SUN1: variants seen among roughly 807,000 people sequenced by gnomAD.
The protein encoded by SUN1 is Sad1 and UNC84 domain containing 1, also known as SUN domain-containing protein 1.
In SUN1, 61 loss-of-function variants were observed where a neutral mutation model predicts 103.2. The ratio of observed to expected loss-of-function variants is 0.59; its 90% CI spans 0.48 to 0.73. SUN1 has a LOEUF of 0.73. Among genes scored for constraint, SUN1 ranks in the 30% least tolerant of loss-of-function variants. The pLI is 0.00. For synonymous variants in SUN1, 490 were observed against 425.7 expected (o/e 1.15, Z -1.86); for missense variants, 1,052 against 1,034.6 (o/e 1.02, Z -0.23).
At chr7:847,238 G>T (rs1032381555) in intron 5 of SUN1, among the ~76,000 whole-genome samples, 1 of 151,758 alleles carries the variant, frequency 6.6e-6, no homozygotes, top group African/African-American at 2.4e-5. Flanking sequence ...GGGTTACCCC[G>T]CAGTCCAGTC....
At chr7:861,597 A>G in intron 15 of SUN1, 133 bp downstream of exon 15, 1 of 867,998 alleles carries the variant, frequency 1.2e-6, no homozygotes, top group South Asian at 1.6e-5. Flanking sequence ...GAAAGGGAGC[A>G]TGATTCTGGG....
At chr7:843,623 A>G (rs1812309491) in intron 5 of SUN1, 103 bp downstream of exon 5, 1 of 1,603,078 alleles carries the variant, frequency 6.2e-7, no homozygotes, top group Admixed American at 1.7e-5. Flanking sequence ...TGGAGACTTA[A>G]AATTATCCCT....
intron 1 of SUN1, among the ~76,000 whole-genome samples, chr7:818,862 C>T (rs1289607681): frequency 7.8e-6 from 1 of 128,900 alleles, no homozygotes; most frequent in Non-Finnish European, 1.6e-5. Flanking sequence ...CCCCGCTCCC[C>T]TCCCCCCCTT....
intron 15 of SUN1, among the ~76,000 whole-genome samples, chr7:862,561 A>C (rs1833024655): frequency 6.6e-6 from 1 of 152,188 alleles, no homozygotes; most frequent in African/African-American, 2.4e-5. Flanking sequence ...GCTTTTAGTT[A>C]TATATTTTGA....
intron 1 of SUN1, chr7:816,686 C>G (rs1197016096): frequency 1.1e-5 from 2 of 186,794 alleles, no homozygotes; most frequent in South Asian, 1.5e-4. Context: ...GAGCTCCCGG[C>G]GGGCCGGGCC....
chr7:855,990 C>T (rs185572677), intron 11 of SUN1, among the ~76,000 whole-genome samples: 16 of 152,324 alleles, frequency 1.1e-4, no homozygotes, highest in African/African-American at 3.6e-4. Flanking sequence ...GGTGCTGCTG[C>T]GGATGGCACA....
intron 5 of SUN1, 152 bp downstream of exon 5, chr7:843,672 T>A: frequency 6.7e-7 from 1 of 1,491,674 alleles, no homozygotes; most frequent in Non-Finnish European, 8.9e-7. Flanking sequence ...AGCTTTGTCC[T>A]TCCTGTCCTC....
chr7:843,805 C>G lies in SUN1; in HGVS notation c.658+285C>G. On this transcript the variant is annotated intron_variant, in intron 5 of 18. Coordinates refer to ENST00000401592, the MANE Select transcript of SUN1 (RefSeq NM_001130965.3). ...TAAGCGAAACTAATAAAACTACAGT[C>G]ACTTTCAGATGCACACCTTTATTTT... The G allele has an allele frequency of 2.1e-6, 3 of 1,418,078 alleles. No individual in the cohort carries two copies. The South Asian group carries it at 4.8e-5, about 23-fold the overall frequency. The allele number at this position is 1,418,078 out of a possible 1,614,324, so 87.8% of individuals were successfully genotyped here.
At chr7:829,087 G>T (rs1456849491), upstream of SUN1, among the ~76,000 whole-genome samples, 1 of 152,260 alleles carries the variant, frequency 6.6e-6, no homozygotes, top group Admixed American at 6.5e-5. Context: ...CACGCCTGCA[G>T]ACCGCACATC....
chr7:854,291 G>A (rs1178878461), intron 10 of SUN1, among the ~76,000 whole-genome samples: 6 of 152,252 alleles, frequency 3.9e-5, no homozygotes, highest in African/African-American at 1.4e-4. Flanking sequence ...GCTTCCCTCC[G>A]AGGCGGTGCG....
intron 16 of SUN1, 37 bp downstream of exon 16, chr7:866,104 A>G (rs757228296): frequency 4.4e-6 from 7 of 1,573,086 alleles, no homozygotes; most frequent in South Asian, 2.2e-5. Flanking sequence ...GCTCCTCTTC[A>G]GCATGGACTC....
intron 16 of SUN1, among the ~76,000 whole-genome samples, chr7:866,744 T>TCGCCCC (rs1837236511): frequency 3.2e-5 from 1 of 31,362 alleles, no homozygotes; most frequent in Admixed American, 4.0e-4. Flanking sequence ...CACCGGGCCT[T>TCGCCCC]CACCCCCACC....
chr7:826,756 C>T (rs542627253), intron 1 of SUN1, among the ~76,000 whole-genome samples: 1 of 152,334 alleles, frequency 6.6e-6, no homozygotes, highest in African/African-American at 2.4e-5. Context: ...TAGTCCACAT[C>T]GTCAGTGACC....
chr7:822,960 C>CCA (rs1275871278), intron 1 of SUN1, among the ~76,000 whole-genome samples: 6 of 152,164 alleles, frequency 3.9e-5, no homozygotes, highest in East Asian at 1.9e-4. Flanking sequence ...CCGTGAATTC[C>CCA]CACACACACA....
intron 5 of SUN1, among the ~76,000 whole-genome samples, chr7:844,077 G>A (rs998299942): frequency 3.3e-5 from 5 of 152,236 alleles, no homozygotes; most frequent in African/African-American, 9.6e-5. Flanking sequence ...GTGGACATGG[G>A]CTTCCCTCAG....
intron 1 of SUN1, among the ~76,000 whole-genome samples, chr7:823,633 TG>T (rs535525594): frequency 6.6e-6 from 1 of 151,956 alleles, no homozygotes; most frequent in African/African-American, 2.4e-5. Flanking sequence ...CAGGCAGCCA[TG>T]GGGGGAGTCT....
rs141644029 is a variant in SUN1, at chr7:855,021, C to T, written c.1350+15C>T. The T allele has an allele frequency of 5.4e-5, 86 of 1,586,614 alleles. No homozygotes were observed. In the East Asian group the frequency reaches 1.3e-3, roughly 25 times the overall value. ...AAAAATCTGAGGTATTTATTTTTGA[C>T]CTTACGCTTTTTTAAAATAAAAAGA... On this transcript the variant is annotated intron_variant, in intron 11 of 18. Coordinates refer to ENST00000401592, the MANE Select transcript of SUN1 (RefSeq NM_001130965.3).
Position 853,136 on chromosome 7 carries a change from G to A in SUN1, c.1053+184G>A, listed in dbSNP as rs1051332394. 20 of 806,122 alleles carry A rather than the reference G, an allele frequency of 2.5e-5. No individual in the cohort carries two copies. The African/African-American group carries it at 3.1e-4, about 13-fold the overall frequency. The allele number at this position is 806,122 out of a possible 1,614,324, so 49.9% of individuals were successfully genotyped here. On this transcript the variant is annotated intron_variant, in intron 9 of 18. Coordinates refer to ENST00000401592, the MANE Select transcript of SUN1 (RefSeq NM_001130965.3). ...AGGATAGTTCAAATGCACATTTAAAGTACTCTCATGATTCAGTTAGTTTTA... is the reference window on the plus strand; with the variant it reads ...AGGATAGTTCAAATGCACATTTAAAATACTCTCATGATTCAGTTAGTTTTA...
At chr7:827,333 T>C (rs1793153100) in intron 1 of SUN1, among the ~76,000 whole-genome samples, 1 of 151,068 alleles carries the variant, frequency 6.6e-6, no homozygotes, top group Non-Finnish European at 1.5e-5. Flanking sequence ...GCCAGACCCA[T>C]TTAGTTTTGT....
Sources: allele counts gnomAD v4.1 joint callset (sites outside exome capture counted in the v4.1 genomes callset), GRCh38; gene constraint gnomAD v4.1.1; transcripts MANE v1.5; gene names NCBI Gene and HGNC (gene_info 2026-07-23, HGNC 2026-07-21).